The following SLC24A2 variants were observed in gnomAD, a reference collection of about 807,000 sequenced individuals.
SLC24A2 encodes solute carrier family 24 member 2.
Under a neutral mutation model 62.0 loss-of-function variants are expected in SLC24A2, and 36 were observed. The ratio of observed to expected loss-of-function variants is 0.58; its 90% CI spans 0.44 to 0.77. SLC24A2 has a LOEUF of 0.77. Ranked by LOEUF, SLC24A2 falls within the 30% of genes least tolerant of loss-of-function variation. The pLI is 0.00. For synonymous variants in SLC24A2, 358 were observed against 294.0 expected, an observed-to-expected ratio of 1.22 and a Z score of -2.23; for missense variants, 846 against 817.9, an observed-to-expected ratio of 1.03 and a Z score of -0.42.
the SLC24A2 span, among the ~76,000 whole-genome samples, chr9:19,977,448 A>T: frequency 6.6e-6 from 1 of 152,082 alleles, no homozygotes; most frequent in African/African-American, 2.4e-5. Context: ...CTGATTGATG[A>T]TGGTCGTGGA....
the SLC24A2 span, among the ~76,000 whole-genome samples, chr9:20,058,923 G>A: frequency 6.6e-6 from 1 of 152,132 alleles, no homozygotes; most frequent in Non-Finnish European, 1.5e-5. Context: ...TTGATACTGT[G>A]TTTTGCCCCC....
At chr9:19,747,262 A>G (rs1246068746) in intron 2 of SLC24A2, among the ~76,000 whole-genome samples, 2 of 151,912 alleles carry the variant, frequency 1.3e-5, no homozygotes, top group African/African-American at 2.4e-5. Flanking sequence ...CCTGAGTTTG[A>G]TATCTATCAT....
At chr9:20,092,085 C>G in the SLC24A2 span, among the ~76,000 whole-genome samples, 1 of 152,038 alleles carries the variant, frequency 6.6e-6, no homozygotes, top group South Asian at 2.1e-4. Flanking sequence ...ACCCTGGGGC[C>G]TACTTGAGAG....
At chr9:19,924,575 C>T in the SLC24A2 span, among the ~76,000 whole-genome samples, 1 of 152,172 alleles carries the variant, frequency 6.6e-6, no homozygotes, top group Non-Finnish European at 1.5e-5. Flanking sequence ...GTGGCTCCTC[C>T]TCAAGAGCCA....
the SLC24A2 span, among the ~76,000 whole-genome samples, chr9:20,301,401 C>T: frequency 6.6e-6 from 1 of 151,858 alleles, no homozygotes; most frequent in East Asian, 1.9e-4. Context: ...TTATTTTAAC[C>T]ATAACCCTAC....
chr9:19,774,734 T>G (rs1255574101), intron 2 of SLC24A2, among the ~76,000 whole-genome samples: 1 of 152,224 alleles, frequency 6.6e-6, no homozygotes, highest in African/African-American at 2.4e-5. Context: ...GAAACTCATC[T>G]GGCCCTTTCC....
the SLC24A2 span, among the ~76,000 whole-genome samples, chr9:19,942,180 G>A: frequency 2.6e-5 from 4 of 152,102 alleles, no homozygotes; most frequent in African/African-American, 9.7e-5. Context: ...ATCTTGTTTA[G>A]TAATTTTCAA....
chr9:20,155,674 G>A, the SLC24A2 span, among the ~76,000 whole-genome samples: 1 of 151,674 alleles, frequency 6.6e-6, no homozygotes, highest in Non-Finnish European at 1.5e-5. Context: ...AGCAAAATAG[G>A]AGTTACACAG....
At chr9:20,168,567 A>C in the SLC24A2 span, among the ~76,000 whole-genome samples, 4 of 152,016 alleles carry the variant, frequency 2.6e-5, no homozygotes, top group South Asian at 4.1e-4. Flanking sequence ...TTTTCAAAAA[A>C]AGATATATAA....
the SLC24A2 span, among the ~76,000 whole-genome samples, chr9:20,203,396 C>G: frequency 6.6e-6 from 1 of 152,162 alleles, no homozygotes; most frequent in East Asian, 1.9e-4. Flanking sequence ...TTCAGCTCCA[C>G]GGTATACCAA....
At chr9:19,914,029 A>G in the SLC24A2 span, among the ~76,000 whole-genome samples, 6 of 152,166 alleles carry the variant, frequency 3.9e-5, no homozygotes, top group Non-Finnish European at 8.8e-5. Context: ...ACTGGGTAGT[A>G]TGCCCAGTTT....
the SLC24A2 span, among the ~76,000 whole-genome samples, chr9:20,303,295 T>C: frequency 2.0e-5 from 3 of 152,154 alleles, no homozygotes; most frequent in Non-Finnish European, 4.4e-5. Context: ...CCTGAGTGAA[T>C]TGGGAGGGAA....
chr9:20,176,926 G>A, the SLC24A2 span, among the ~76,000 whole-genome samples: 2 of 95,806 alleles, frequency 2.1e-5, no homozygotes, highest in South Asian at 5.1e-4. Flanking sequence ...GGAGAAGTGT[G>A]GAAAATTAGA....
Position 19,786,455 on chromosome 9 carries a change from G to A in SLC24A2, c.412C>T (p.His138Tyr), listed in dbSNP as rs1823174733. 1 of 1,614,100 alleles carries A rather than the reference G, an allele frequency of 6.2e-7. No homozygotes were observed. The highest frequency in any genetic ancestry group is 2.2e-5 in the East Asian group (1 of 44,882). The change falls in exon 2 of 11, where the codon CAT (histidine) becomes TAT (tyrosine). Residue 138 changes from histidine to tyrosine, a missense_variant. His to Tyr is a moderately conservative substitution (Grantham distance 83, BLOSUM62 2). Coordinates refer to ENST00000341998, the MANE Select transcript of SLC24A2 (RefSeq NM_020344.4). This position sits in a 1 kb window ranked among gnomAD's most constrained non-coding sequence, Gnocchi z 5.0. ...AACATGTAGATCATTCCAATGACATGCAGAATGATCGCACCTTTTCTTCTC... is the reference window on the plus strand; with the variant it reads ...AACATGTAGATCATTCCAATGACATACAGAATGATCGCACCTTTTCTTCTC... ...EERRKGAIIL[H>Y]VIGMIYMFIA...
At chr9:19,711,577 T>G (rs1820716242) in intron 2 of SLC24A2, among the ~76,000 whole-genome samples, 1 of 152,226 alleles carries the variant, frequency 6.6e-6, no homozygotes, top group South Asian at 2.1e-4. Flanking sequence ...TCTGAGCCAT[T>G]GCTGGCTTGA....
At chr9:19,597,331 G>C in intron 4 of SLC24A2, 52 bp from the exon 5 acceptor site, 1 of 1,212,740 alleles carries the variant, frequency 8.2e-7, no homozygotes, top group Non-Finnish European at 1.2e-6. Flanking sequence ...TATAATGCAA[G>C]AACTTTGTTT....
At chr9:19,723,585 A>C (rs912803551) in intron 2 of SLC24A2, among the ~76,000 whole-genome samples, 1 of 152,116 alleles carries the variant, frequency 6.6e-6, no homozygotes, top group Non-Finnish European at 1.5e-5. Context: ...TGACTTTAGG[A>C]TCGAGTATAA....
At chr9:20,218,681 G>C in the SLC24A2 span, among the ~76,000 whole-genome samples, 16 of 152,250 alleles carry the variant, frequency 1.1e-4, no homozygotes, top group South Asian at 3.1e-3. Context: ...AGTTCATACA[G>C]GACTGAGCCA....
intron 2 of SLC24A2, among the ~76,000 whole-genome samples, chr9:19,712,359 C>A (rs553491029): frequency 1.3e-5 from 2 of 152,262 alleles, no homozygotes; most frequent in South Asian, 4.2e-4. Context: ...TGTGGAGAGC[C>A]AACTATAAGA....
Sources: gnomAD v4.1 joint callset for allele counts (sites outside exome capture counted in the v4.1 genomes callset) on GRCh38, gnomAD v4.1.1 for gene constraint, Gnocchi (gnomAD v3.1) non-coding constraint, MANE v1.5 for transcripts, NCBI Gene and HGNC (gene_info 2026-07-23, HGNC 2026-07-21) for gene names.